C12orf50: variants seen among roughly 807,000 people sequenced by gnomAD.
C12orf50 encodes the protein uncharacterized protein C12orf50.
In C12orf50, 35 loss-of-function variants were observed where a neutral mutation model predicts 61.6. That is an observed-to-expected ratio of 0.57 (90% confidence interval 0.43 to 0.75). The LOEUF (loss-of-function observed/expected upper bound fraction) is 0.75, where lower values mean the gene tolerates loss of function less well. Ranked by LOEUF, C12orf50 falls within the 30% of genes least tolerant of loss-of-function variation. The probability of loss-of-function intolerance (pLI) is 0.00; values close to 1 mark genes in which losing one functional copy is unlikely to be tolerated. For missense variants in C12orf50, 475 were observed against 488.5 expected, an observed-to-expected ratio of 0.97 and a Z score of 0.26; for synonymous variants, 178 against 161.5, an observed-to-expected ratio of 1.10 and a Z score of -0.77.
chr12:88,019,098 T>C (rs906608445), intron 3 of C12orf50, among the ~76,000 whole-genome samples: 1 of 152,050 alleles, frequency 6.6e-6, no homozygotes, highest in African/African-American at 2.4e-5. Flanking sequence ...ATGATATGGT[T>C]TGGCTCTTTC....
At chr12:88,005,062 A>G (rs904001492) in intron 3 of C12orf50, among the ~76,000 whole-genome samples, 1 of 152,160 alleles carries the variant, frequency 6.6e-6, no homozygotes, top group Non-Finnish European at 1.5e-5. Context: ...AAAAAAATCA[A>G]TGCATAGTTG....
intron 6 of C12orf50, among the ~76,000 whole-genome samples, chr12:87,995,169 C>G (rs564758537): frequency 6.6e-6 from 1 of 152,118 alleles, no homozygotes; most frequent in East Asian, 1.9e-4. Flanking sequence ...TCAGCTTTCC[C>G]CATGCATTTC....
intron 6 of C12orf50, 91 bp from the exon 7 acceptor site, chr12:87,994,834 G>T: frequency 1.3e-6 from 1 of 773,636 alleles, no homozygotes; most frequent in Non-Finnish European, 2.1e-6. Flanking sequence ...AAGTAAAAAA[G>T]CTTTAAAGTT....
intron 3 of C12orf50, among the ~76,000 whole-genome samples, chr12:88,005,506 G>A (rs1442164678): frequency 6.6e-6 from 1 of 152,158 alleles, no homozygotes; most frequent in African/African-American, 2.4e-5. Flanking sequence ...TTTCATCAAT[G>A]CACTAGGGCA....
At chr12:88,003,567 C>A (rs2031736271) in intron 3 of C12orf50, among the ~76,000 whole-genome samples, 1 of 151,956 alleles carries the variant, frequency 6.6e-6, no homozygotes, top group Non-Finnish European at 1.5e-5. Context: ...TGAAATACAG[C>A]ATTTAAAACT....
Position 87,986,295 on chromosome 12 carries a change from A to G in C12orf50, c.922+17T>C. The G allele has an allele frequency of 6.6e-7, 1 of 1,504,068 alleles. No homozygotes were observed. The highest frequency in any genetic ancestry group is 1.4e-5 in the African/African-American group (1 of 70,158). The allele number at this position is 1,504,068 out of a possible 1,614,324, so 93.2% of individuals were successfully genotyped here. A position where few individuals can be genotyped will look rare whatever the true frequency, so the allele number is the denominator to read the frequency against. The stretch of plus-strand genomic sequence containing the variant: ...TAAAATTACAATTTAGAAATATCAA[A>G]TATATAGACACCTTACCTCTCTGCA... On this transcript the variant is annotated intron_variant, in intron 10 of 12. Coordinates refer to ENST00000298699, the MANE Select transcript of C12orf50 (RefSeq NM_152589.3).
rs980393037 is a variant in C12orf50, at chr12:87,989,169, T to C, written c.700+95A>G. The C allele has an allele frequency of 3.6e-5, 30 of 827,540 alleles. 1 individual carries two copies. The Admixed American group carries it at 3.9e-4, about 11-fold the overall frequency. The allele number at this position is 827,540 out of a possible 1,614,324, so 51.3% of individuals were successfully genotyped here. On this transcript the variant is annotated intron_variant, in intron 8 of 12. Transcript: ENST00000298699. ...CCTATTCAGTGTATATTTTGATTTA[T>C]TACCATTCCTCTATTGGTTTTTATA... is the stretch of plus-strand genomic sequence containing the variant.
In C12orf50 at chr12:87,997,172, T is replaced by C. The variant is rs1384215605; in HGVS notation, c.290-526A>G. On this transcript the variant is annotated intron_variant, in intron 4 of 12. Coordinates refer to ENST00000298699, the MANE Select transcript of C12orf50 (RefSeq NM_152589.3). The stretch of plus-strand genomic sequence containing the variant: ...ATGCAAAAGACATGGGTCCTAAGCC[T>C]GTTCATACTCTTGTGAGGATGACTT... Among the ~76,000 whole-genome samples, 18 of 152,182 alleles carry C rather than the reference T, an allele frequency of 1.2e-4. 1 individual carries two copies. Among genetic ancestry groups the C allele is most frequent in the Non-Finnish European group, 5.9e-5 (4 of 68,032 alleles).
intron 3 of C12orf50, among the ~76,000 whole-genome samples, chr12:88,019,264 G>C (rs1233793638): frequency 6.6e-6 from 1 of 152,138 alleles, no homozygotes; most frequent in Non-Finnish European, 1.5e-5. Context: ...TCAAAAAGGG[G>C]ACTTTCCCTG....
chr12:87,984,872 TAATAAC>T (rs2030723441), intron 11 of C12orf50: 1 of 152,080 alleles, frequency 6.6e-6, no homozygotes, highest in Non-Finnish European at 1.5e-5. Context: ...AGTAAAATGA[TAATAAC>T]AATAACAATA....
chr12:88,020,350 A>G (rs1377165605), intron 3 of C12orf50, among the ~76,000 whole-genome samples: 1 of 152,232 alleles, frequency 6.6e-6, no homozygotes, highest in Non-Finnish European at 1.5e-5. Context: ...ATTGTGAAAA[A>G]TCTACCAAGC....
intron 3 of C12orf50, among the ~76,000 whole-genome samples, chr12:88,004,052 G>A (rs949319381): frequency 2.0e-5 from 3 of 151,484 alleles, no homozygotes; most frequent in Admixed American, 2.0e-4. Context: ...ATCCCTTATA[G>A]TATTTTTTTC....
chr12:87,998,931 A>G (rs954070058), intron 3 of C12orf50, among the ~76,000 whole-genome samples: 6 of 152,250 alleles, frequency 3.9e-5, no homozygotes, highest in Admixed American at 6.5e-5. Flanking sequence ...AAGTTGCACA[A>G]CTTCATCACA....
intron 3 of C12orf50, among the ~76,000 whole-genome samples, chr12:88,008,844 C>G (rs1157842799): frequency 6.6e-6 from 1 of 152,124 alleles, no homozygotes; most frequent in Non-Finnish European, 1.5e-5. Context: ...GATCTCACTA[C>G]CAAGTATGCA....
At chr12:88,010,531 G>T (rs1387391722) in intron 3 of C12orf50, among the ~76,000 whole-genome samples, 1 of 149,638 alleles carries the variant, frequency 6.7e-6, no homozygotes, top group Non-Finnish European at 1.5e-5. Context: ...ATTACGGCAA[G>T]ATGTCATTAG....
chr12:88,005,655 T>C (rs532809707), intron 3 of C12orf50, among the ~76,000 whole-genome samples: 24 of 152,300 alleles, frequency 1.6e-4, no homozygotes, highest in South Asian at 1.0e-3. Flanking sequence ...TATTTATTTT[T>C]TGGAGACGGA....
intron 3 of C12orf50, among the ~76,000 whole-genome samples, chr12:88,021,302 A>G: frequency 9.2e-4 from 1 of 1,084 alleles, no homozygotes; most frequent in Admixed American, 0.017. Context: ...TAATAAAGAC[A>G]AAAAAAAAAA....
chr12:88,027,069 C>A lies in C12orf50; in HGVS notation c.-107G>T. ...ACAGTGTCGGAATCGGCACTGGGAACCCTAAAAGAAAAAGTAAACAGTGTA... is the reference window on the plus strand; with the variant it reads ...ACAGTGTCGGAATCGGCACTGGGAAACCTAAAAGAAAAAGTAAACAGTGTA... On this transcript the variant is annotated splice_region_variant and 5_prime_UTR_variant, in exon 2 of 13. Coordinates refer to ENST00000298699, the MANE Select transcript of C12orf50 (RefSeq NM_152589.3). The A allele has an allele frequency of 6.2e-7, 1 of 1,603,042 alleles. No homozygotes were observed. Among genetic ancestry groups the A allele is most frequent in the Non-Finnish European group, 8.5e-7 (1 of 1,176,774 alleles).
intron 3 of C12orf50, among the ~76,000 whole-genome samples, chr12:88,008,008 A>G (rs1466248860): frequency 2.6e-5 from 4 of 152,070 alleles, no homozygotes; most frequent in Non-Finnish European, 5.9e-5. Context: ...CTCAAGCATA[A>G]AAATATTAGG....
Sources: gnomAD v4.1 joint callset for allele counts (sites outside exome capture counted in the v4.1 genomes callset) on GRCh38, gnomAD v4.1.1 for gene constraint, MANE v1.5 for transcripts, NCBI Gene and HGNC (gene_info 2026-07-23, HGNC 2026-07-21) for gene names.